Variants in LINGO1 observed in about 807,000 individuals in gnomAD.
LINGO1 encodes the protein leucine rich repeat and Ig domain containing 1.
A neutral mutation model predicts 37.3 loss-of-function variants in LINGO1; 11 were observed. That is an observed-to-expected ratio of 0.29 (90% CI 0.19 to 0.49). The LOEUF is 0.49. Ranked by LOEUF, LINGO1 falls within the 20% of genes least tolerant of loss-of-function variation. The probability of loss-of-function intolerance (pLI) is 0.99; values close to 1 mark genes in which losing one functional copy is unlikely to be tolerated. For synonymous variants in LINGO1, 387 were observed against 403.0 expected, an observed-to-expected ratio of 0.96 and a Z score of 0.48; for missense variants, 585 against 878.2, an observed-to-expected ratio of 0.67 and a Z score of 4.22.
chr15:77,744,379 C>T (rs1047589756), intron 1 of LINGO1, among the ~76,000 whole-genome samples: 3 of 151,902 alleles, frequency 2.0e-5, no homozygotes, highest in African/African-American at 7.3e-5. Flanking sequence ...ACTAAAAATA[C>T]AAAAAACTAG....
chr15:77,641,866 G>C, intron 3 of LINGO1: 1 of 456,628 alleles, frequency 2.2e-6, no homozygotes, highest in Non-Finnish European at 4.4e-6. Context: ...ATAGGCTGAG[G>C]CCAGCTGGGA....
chr15:77,666,552 C>G (rs1406771023), intron 3 of LINGO1, among the ~76,000 whole-genome samples: 1 of 152,200 alleles, frequency 6.6e-6, no homozygotes, highest in Non-Finnish European at 1.5e-5. Flanking sequence ...GACTTAGGGG[C>G]TGAAGCTGGA....
chr15:77,808,445 A>G (rs889955516), intron 1 of LINGO1, among the ~76,000 whole-genome samples: 1 of 152,160 alleles, frequency 6.6e-6, no homozygotes, highest in Non-Finnish European at 1.5e-5. Flanking sequence ...CCAAGATCCC[A>G]CAGCCCTAGA....
intron 3 of LINGO1, among the ~76,000 whole-genome samples, chr15:77,666,358 C>T (rs759228827): frequency 3.9e-5 from 6 of 152,214 alleles, no homozygotes; most frequent in Non-Finnish European, 5.9e-5. Context: ...GGGCAGCAGG[C>T]ACACATCAGA....
rs933110750 is a variant in LINGO1 at position 77,746,822 on chromosome 15, A to T, written c.-256-11769T>A. ...AATGAATGTGCTGGCCAGAGCACAC[A>T]GCAGCACATACATCTGCCTCCCACC... On this transcript the variant is annotated intron_variant, in intron 1 of 3. Coordinates refer to the LINGO1 transcript ENST00000561686. Among the ~76,000 whole-genome samples the T allele has an allele frequency of 4.6e-5, 7 of 152,268 alleles. No individual in the cohort carries two copies. The South Asian group carries it at 1.4e-3, about 32-fold the overall frequency.
chr15:77,614,425 C>T lies in LINGO1; in HGVS notation c.1482G>A (p.Thr494=), dbSNP rs373833952. 2.5e-5 allele frequency: 41 copies of T among 1,612,156 alleles called. No homozygotes were observed. Among genetic ancestry groups the T allele is most frequent in the African/African-American group, 4.0e-5 (3 of 74,958 alleles). ...VRYAQVQDNG[T]YLCIAANAGG... is the part of the protein sequence containing the mutation. ...CCGCGTTGGCCGCGATGCACAGGTA[C>T]GTGCCGTTGTCCTGTACCTGGGCGT... The change falls in exon 2 of 2, where the codon ACG becomes ACA. Residue 494 remains threonine (T), a synonymous_variant. Transcript: ENST00000355300.
upstream of LINGO1, among the ~76,000 whole-genome samples, chr15:77,789,650 A>G (rs72730731): frequency 0.19 from 29,517 of 152,116 alleles, 3,179 homozygotes; most frequent in Admixed American, 0.33. Context: ...TTGTATGGAG[A>G]ACAATTTGGC....
rs1382548362 is a variant in LINGO1, at chr15:77,614,695, G to A, written c.1212C>T (p.Gly404=). Residue 404 remains glycine, a synonymous_variant, in exon 2 of 2, where the codon GGC becomes GGT. Transcript: ENST00000355300. Reference sequence around the variant, plus strand: ...CATCAGGGAAGTCCTTGAACTCCTTGCCCTGGACAAACTCGGGCGTGGCGC... The same window carrying A: ...CATCAGGGAAGTCCTTGAACTCCTTACCCTGGACAAACTCGGGCGTGGCGC... ...PTCATPEFVQ[G]KEFKDFPDVL... 6.2e-7 allele frequency: 1 copy of A among 1,611,218 alleles called. No individual in the cohort carries two copies. The highest frequency in any genetic ancestry group is 8.5e-7 in the Non-Finnish European group (1 of 1,178,736).
chr15:77,733,814 A>G (rs1198288873), intron 2 of LINGO1, among the ~76,000 whole-genome samples: 2 of 152,152 alleles, frequency 1.3e-5, no homozygotes, highest in African/African-American at 4.8e-5. Context: ...AAATGACAGG[A>G]GGCTGCACTG....
intron 1 of LINGO1, among the ~76,000 whole-genome samples, chr15:77,624,983 C>G (rs1017525596): frequency 1.3e-5 from 2 of 152,240 alleles, no homozygotes; most frequent in African/African-American, 2.4e-5. Flanking sequence ...CTGCCCAGGC[C>G]AGTGGCCCCT....
intron 1 of LINGO1, among the ~76,000 whole-genome samples, chr15:77,750,548 C>T (rs1223202636): frequency 6.6e-6 from 1 of 152,132 alleles, no homozygotes; most frequent in Non-Finnish European, 1.5e-5. Context: ...GTGCCTGCTT[C>T]TCTCCCTGTC....
intron 3 of LINGO1, among the ~76,000 whole-genome samples, chr15:77,672,000 G>GCCGCCTCCTCCTCCTCCT (rs1344106118): frequency 5.5e-5 from 8 of 145,676 alleles, no homozygotes; most frequent in African/African-American, 1.9e-4. Context: ...ATGAGCCTCT[G>GCCGCCTCCTCCTCCTCCT]CCTCCTCCTC....
chr15:77,702,884 TTC>T (rs2075802777), intron 2 of LINGO1, among the ~76,000 whole-genome samples: 1 of 152,212 alleles, frequency 6.6e-6, no homozygotes, highest in South Asian at 2.1e-4. Context: ...TCCCTAATAC[TTC>T]TTCTGACTTA....
Position 77,669,273 on chromosome 15 carries a change from C to T in LINGO1, c.-13+7816G>A, listed in dbSNP as rs1318477725. 2.6e-5 allele frequency among the ~76,000 whole-genome samples: 4 copies of T among 152,330 alleles called. No individual in the cohort carries two copies. The East Asian group carries it at 7.7e-4, about 29-fold the overall frequency. On this transcript the variant is annotated intron_variant, in intron 3 of 3. Transcript: ENST00000559893. Reference sequence around the variant, plus strand: ...GTCCTGGCTTAGGGTCGCCTCTGCTCCAGGTCCTCAGACTCTGCCAGCCCC... The same window carrying T: ...GTCCTGGCTTAGGGTCGCCTCTGCTTCAGGTCCTCAGACTCTGCCAGCCCC...
At chr15:77,712,171 C>G (rs1400238727) in intron 2 of LINGO1, among the ~76,000 whole-genome samples, 1 of 152,182 alleles carries the variant, frequency 6.6e-6, no homozygotes, top group African/African-American at 2.4e-5. Flanking sequence ...CTGCCTGCTT[C>G]CAGTCACCTT....
intron 1 of LINGO1, among the ~76,000 whole-genome samples, chr15:77,620,172 T>A (rs1285951749): frequency 1.3e-5 from 2 of 152,222 alleles, no homozygotes; most frequent in Non-Finnish European, 2.9e-5. Flanking sequence ...ATTTTATGCA[T>A]TTTAATCAGT....
At chr15:77,665,757 C>T (rs1228744755) in intron 3 of LINGO1, among the ~76,000 whole-genome samples, 1 of 152,234 alleles carries the variant, frequency 6.6e-6, no homozygotes, top group Non-Finnish European at 1.5e-5. Context: ...CCAGGCTGCC[C>T]TGCATGTGTC....
At chr15:77,762,715 A>G (rs1484302194) in intron 1 of LINGO1, among the ~76,000 whole-genome samples, 2 of 151,968 alleles carry the variant, frequency 1.3e-5, no homozygotes, top group Admixed American at 6.6e-5. Context: ...TCCACTTTCA[A>G]CACTCAGTCC....
At chr15:77,792,499 C>T (rs1287973875) in intron 2 of LINGO1, among the ~76,000 whole-genome samples, 1 of 152,230 alleles carries the variant, frequency 6.6e-6, no homozygotes, top group Non-Finnish European at 1.5e-5. Context: ...GTCCCAGCTC[C>T]AAGCCCATCC....
Sources: allele counts gnomAD v4.1 joint callset (sites outside exome capture counted in the v4.1 genomes callset), GRCh38; gene constraint gnomAD v4.1.1; transcripts MANE v1.5; gene names NCBI Gene and HGNC (gene_info 2026-07-23, HGNC 2026-07-21).